PPFIA1: variants seen among roughly 807,000 people sequenced by gnomAD.
The protein encoded by PPFIA1 is PPFI scaffold protein A1.
Under a neutral mutation model 149.9 loss-of-function variants are expected in PPFIA1, and 25 were observed. The observed-to-expected ratio is 0.17, with a 90% CI of 0.12 to 0.23. The LOEUF (loss-of-function observed/expected upper bound fraction) is 0.23. Ranked by LOEUF, PPFIA1 falls within the 10% of genes least tolerant of loss-of-function variation. The probability of loss-of-function intolerance (pLI) is 1.00; values close to 1 mark genes in which losing one functional copy is unlikely to be tolerated. For synonymous variants in PPFIA1, 549 were observed against 552.8 expected (o/e 0.99, Z 0.10); for missense variants, 1,362 against 1,506.5 (o/e 0.90, Z 1.59).
In PPFIA1 at chr11:70,272,448, T is replaced by C. The variant is rs2050146569; in HGVS notation, c.264+12T>C. On this transcript the variant is annotated intron_variant, in intron 2 of 27. Coordinates refer to ENST00000253925, the MANE Select transcript of PPFIA1 (RefSeq NM_003626.5). ...CGGCACTTCCACAGGTATGAGTGCTTTTAACCTGAAACTATAGATTTTTCT... is the reference window on the plus strand; with the variant it reads ...CGGCACTTCCACAGGTATGAGTGCTCTTAACCTGAAACTATAGATTTTTCT... 6.3e-7 allele frequency: 1 copy of C among 1,580,370 alleles called. No homozygotes were observed. The highest frequency in any genetic ancestry group is 1.4e-5 in the African/African-American group (1 of 73,448).
At chr11:70,284,543 T>C (rs939642664) in intron 2 of PPFIA1, among the ~76,000 whole-genome samples, 3 of 152,178 alleles carry the variant, frequency 2.0e-5, no homozygotes. Context: ...ATACCCATGC[T>C]CAAAGCAGGT....
chr11:70,343,933 GTC>G (rs2055515299), intron 15 of PPFIA1, 41 bp downstream of exon 15: 1 of 1,536,166 alleles, frequency 6.5e-7, no homozygotes, highest in East Asian at 2.3e-5. Flanking sequence ...ACGCATGGGT[GTC>G]TCTGAGGAAT....
Position 70,337,366 on chromosome 11 carries a change from A to C in PPFIA1, c.1430A>C (p.Asn477Thr), listed in dbSNP as rs1449458760. ...KERMAALEDK[N>T]SLLREVESAK... Reference sequence around the variant, plus strand: ...AAAGGACTATCTGTCTTTTTTCAGAACTCTCTTTTAAGAGAAGTTGAAAGT... The same window carrying C: ...AAAGGACTATCTGTCTTTTTTCAGACCTCTCTTTTAAGAGAAGTTGAAAGT... The change falls in exon 12 of 28, where the codon AAC becomes ACC. Residue 477 changes from asparagine to threonine, a missense_variant and splice_region_variant. Transcript: ENST00000253925. 1 of 1,586,294 alleles carries C rather than the reference A, an allele frequency of 6.3e-7. No homozygotes were observed. Among genetic ancestry groups the C allele is most frequent in the African/African-American group, 1.4e-5 (1 of 73,626 alleles).
chr11:70,300,455 C>T (rs767224951), intron 2 of PPFIA1, among the ~76,000 whole-genome samples: 4 of 152,088 alleles, frequency 2.6e-5, no homozygotes, highest in Admixed American at 6.5e-5. Flanking sequence ...CTGCAGCCTC[C>T]GTCTCCTGGG....
chr11:70,284,471 G>C (rs962554297), intron 2 of PPFIA1, among the ~76,000 whole-genome samples: 1 of 150,590 alleles, frequency 6.6e-6, no homozygotes, highest in Non-Finnish European at 1.5e-5. Flanking sequence ...GAATATTACC[G>C]TTCTAGGCTC....
At chr11:70,294,257 T>C (rs2051736678) in intron 2 of PPFIA1, among the ~76,000 whole-genome samples, 1 of 152,094 alleles carries the variant, frequency 6.6e-6, no homozygotes, top group Admixed American at 6.5e-5. Context: ...AGTTCTTTTG[T>C]TGCAAATTGT....
At chr11:70,377,057 A>C (rs1383567192) in intron 25 of PPFIA1, among the ~76,000 whole-genome samples, 1 of 152,074 alleles carries the variant, frequency 6.6e-6, no homozygotes, top group Non-Finnish European at 1.5e-5. Flanking sequence ...TGGGCGACAG[A>C]GAGAAACTCC....
At chr11:70,360,815 A>G (rs2056604960) in intron 19 of PPFIA1, among the ~76,000 whole-genome samples, 1 of 152,284 alleles carries the variant, frequency 6.6e-6, no homozygotes, top group Non-Finnish European at 1.5e-5. Flanking sequence ...TTATGAAATT[A>G]TTATAGAAAA....
chr11:70,349,641 G>A (rs1250971387), intron 16 of PPFIA1, among the ~76,000 whole-genome samples: 1 of 152,090 alleles, frequency 6.6e-6, no homozygotes, highest in Non-Finnish European at 1.5e-5. Flanking sequence ...TAAATCGACG[G>A]TGAATCATTT....
chr11:70,351,763 C>T (rs1026028369), intron 16 of PPFIA1, among the ~76,000 whole-genome samples: 27 of 152,208 alleles, frequency 1.8e-4, no homozygotes, highest in African/African-American at 6.3e-4. Flanking sequence ...CCCCACAGTG[C>T]ACAGTGCAGA....
Position 70,326,301 on chromosome 11 carries a change from C to G in PPFIA1, c.646C>G (p.Leu216Val). Residue 216 changes from leucine to valine, a missense_variant, in exon 6 of 28, where the codon CTA becomes GTA. This residue lies in a region of PPFIA1 where 733 missense variants were observed against 744.1 expected (regional missense o/e 0.99). Transcript: ENST00000253925. Reference sequence around the variant, plus strand: ...AGAACAGAATAATCAGAAAAAAACTCTAACAGATGGAGTGCTGGACATAAA... The same window carrying G: ...AGAACAGAATAATCAGAAAAAAACTGTAACAGATGGAGTGCTGGACATAAA... ...LKEQNNQKKT[L>V]TDGVLDINHE... 1 of 1,609,080 alleles carries G rather than the reference C, an allele frequency of 6.2e-7. No individual in the cohort carries two copies. The highest frequency in any genetic ancestry group is 8.5e-7 in the Non-Finnish European group (1 of 1,177,074).
intron 10 of PPFIA1, among the ~76,000 whole-genome samples, chr11:70,334,803 G>A (rs2054874897): frequency 6.6e-6 from 1 of 152,182 alleles, no homozygotes. Context: ...TCGTAACCCC[G>A]TGCCATTGCC....
chr11:70,367,821 T>TA (rs2057023216), intron 21 of PPFIA1, among the ~76,000 whole-genome samples: 1 of 152,206 alleles, frequency 6.6e-6, no homozygotes, highest in Non-Finnish European at 1.5e-5. Context: ...AAGAGAATAA[T>TA]ACCAGATATC....
chr11:70,340,407 C>T (rs1030056360), intron 14 of PPFIA1, among the ~76,000 whole-genome samples: 3 of 152,182 alleles, frequency 2.0e-5, no homozygotes, highest in Non-Finnish European at 4.4e-5. Context: ...TGCACCACTG[C>T]GCTCCAGCTT....
rs192025407 is a variant in PPFIA1, at chr11:70,310,833, G to A, written c.265-13569G>A. 2.6e-5 allele frequency among the ~76,000 whole-genome samples: 4 copies of A among 152,312 alleles called. 1 individual carries two copies. The East Asian group carries it at 7.7e-4, about 29-fold the overall frequency. Reference sequence around the variant, plus strand: ...GAGACTGAACGAGTTCTGGAAGACAGGACCAGGTTTGAGGGCTAAGTGCTG... The same window carrying A: ...GAGACTGAACGAGTTCTGGAAGACAAGACCAGGTTTGAGGGCTAAGTGCTG... On this transcript the variant is annotated intron_variant, in intron 2 of 27. Coordinates refer to ENST00000253925, the MANE Select transcript of PPFIA1 (RefSeq NM_003626.5).
chr11:70,383,473 C>T lies in PPFIA1; in HGVS notation c.*483C>T, dbSNP rs144106437. ...AGCCATGTGCATTATCCTTTACGGACGCAGCCTAGCTCTACAGCAATCATC... is the reference window on the plus strand; with the variant it reads ...AGCCATGTGCATTATCCTTTACGGATGCAGCCTAGCTCTACAGCAATCATC... On this transcript the variant is annotated 3_prime_UTR_variant, in exon 28 of 28. Transcript: ENST00000253925. 4.9e-3 allele frequency: 820 copies of T among 165,946 alleles called. 3 individuals carry two copies. Among genetic ancestry groups the T allele is most frequent in the Non-Finnish European group, 7.2e-3 (559 of 77,622 alleles). 10.3% of individuals were successfully genotyped at this position (165,946 alleles called of 1,614,324 possible).
intron 2 of PPFIA1, among the ~76,000 whole-genome samples, chr11:70,322,054 T>A (rs1226667174): frequency 6.6e-6 from 1 of 152,136 alleles, no homozygotes; most frequent in African/African-American, 2.4e-5. Flanking sequence ...TAATTTTGTA[T>A]TTTTAGTAGA....
intron 2 of PPFIA1, among the ~76,000 whole-genome samples, chr11:70,289,806 G>C (rs2051401920): frequency 6.6e-6 from 1 of 152,244 alleles, no homozygotes; most frequent in South Asian, 2.1e-4. Flanking sequence ...ACCAGGTGTG[G>C]TGGCACACAC....
At chr11:70,323,516 A>G (rs2054081805) in intron 2 of PPFIA1, among the ~76,000 whole-genome samples, 1 of 152,130 alleles carries the variant, frequency 6.6e-6, no homozygotes, top group Non-Finnish European at 1.5e-5. Context: ...GTGGGGTGGA[A>G]CTGGGGGAGA....
Sources: allele counts gnomAD v4.1 joint callset (sites outside exome capture counted in the v4.1 genomes callset), GRCh38; gene constraint gnomAD v4.1.1; regional missense constraint gnomAD v4.1.1; transcripts MANE v1.5; gene names NCBI Gene and HGNC (gene_info 2026-07-23, HGNC 2026-07-21).